Variants in PBX1 observed in about 807,000 individuals in gnomAD.
The protein encoded by PBX1 is PBX homeobox 1, also known as pre-B-cell leukemia transcription factor 1.
PBX1 carries 6 observed loss-of-function variants against 53.4 expected under a neutral mutation model. The ratio of observed to expected loss-of-function variants is 0.11; its 90% CI spans 0.06 to 0.22. PBX1 has a LOEUF of 0.22. Ranked by LOEUF, PBX1 falls within the 10% of genes least tolerant of loss-of-function variation. PBX1 has a pLI of 1.00. For synonymous variants in PBX1, 204 were observed against 212.3 expected, an observed-to-expected ratio of 0.96 and a Z score of 0.34; for missense variants, 251 against 551.4, an observed-to-expected ratio of 0.46 and a Z score of 5.46.
chr1:164,674,391 C>A (rs950743951), intron 2 of PBX1: 1 of 152,178 alleles, frequency 6.6e-6, no homozygotes, highest in African/African-American at 2.4e-5. Context: ...TCTTCCCTTG[C>A]TCTTTACTTT....
At position 164,690,869 on chromosome 1, in the gene PBX1, G is replaced by A. The variant is rs549853089; in HGVS notation, c.266-101625G>A. 4.3e-4 allele frequency among the ~76,000 whole-genome samples: 65 copies of A among 152,168 alleles called. 1 individual carries two copies. The highest frequency in any genetic ancestry group is 5.7e-4 in the Non-Finnish European group (39 of 68,016). On this transcript the variant is annotated intron_variant, in intron 2 of 8. Transcript: ENST00000420696. ...CCCCCTGTTTTACGGATGATGCGGT[G>A]GAGATTCGGAGAGGCTTGGCTGCAT...
chr1:164,730,633 C>G (rs1394621886), intron 2 of PBX1, among the ~76,000 whole-genome samples: 2 of 152,160 alleles, frequency 1.3e-5, no homozygotes, highest in Admixed American at 6.5e-5. Flanking sequence ...GTTCTCCTTG[C>G]TTTAGCTAGC....
intron 2 of PBX1, among the ~76,000 whole-genome samples, chr1:164,880,244 TAGGGACAC>T (rs1319946804): frequency 2.6e-5 from 4 of 152,204 alleles, no homozygotes; most frequent in African/African-American, 7.2e-5. Flanking sequence ...TATTTGATGC[TAGGGACAC>T]AGAGAGGATG....
At chr1:164,701,635 G>C (rs1617000) in intron 2 of PBX1, among the ~76,000 whole-genome samples, 34,848 of 152,168 alleles carry the variant, frequency 0.23, 4,253 homozygotes, top group East Asian at 0.45. Flanking sequence ...CCCCTGTGGT[G>C]ATGGTCTAGT....
At chr1:164,622,134 C>T (rs1054691456) in intron 2 of PBX1, among the ~76,000 whole-genome samples, 1 of 152,130 alleles carries the variant, frequency 6.6e-6, no homozygotes, top group Non-Finnish European at 1.5e-5. Flanking sequence ...TCCGTGTGGG[C>T]CCAGGAGGCA....
chr1:164,692,650 TG>T (rs1175945581), intron 2 of PBX1, among the ~76,000 whole-genome samples: 1 of 151,996 alleles, frequency 6.6e-6, no homozygotes, highest in Non-Finnish European at 1.5e-5. Context: ...GGTGTGAGCG[TG>T]GGGAATAGGG....
chr1:164,732,411 C>G (rs1213763615), intron 2 of PBX1, among the ~76,000 whole-genome samples: 1 of 152,092 alleles, frequency 6.6e-6, no homozygotes, highest in African/African-American at 2.4e-5. Flanking sequence ...GACTGTAGGA[C>G]TATTAAAAAT....
At chr1:164,715,617 G>A (rs1255731944) in intron 2 of PBX1, among the ~76,000 whole-genome samples, 1 of 152,148 alleles carries the variant, frequency 6.6e-6, no homozygotes, top group Non-Finnish European at 1.5e-5. Context: ...GATCATAATA[G>A]GTATTTGATA....
chr1:164,786,554 A>G (rs969902810), intron 2 of PBX1, among the ~76,000 whole-genome samples: 1 of 152,202 alleles, frequency 6.6e-6, no homozygotes, highest in Non-Finnish European at 1.5e-5. Context: ...AGGTAATGGG[A>G]AAGGACCAGA....
At chr1:164,649,850 A>G (rs1389162593) in intron 2 of PBX1, among the ~76,000 whole-genome samples, 1 of 152,224 alleles carries the variant, frequency 6.6e-6, no homozygotes, top group Non-Finnish European at 1.5e-5. Flanking sequence ...AGTTAATAAA[A>G]ATATAATGGC....
At chr1:164,766,650 A>G (rs533123688) in intron 2 of PBX1, among the ~76,000 whole-genome samples, 4 of 152,056 alleles carry the variant, frequency 2.6e-5, no homozygotes, top group South Asian at 4.2e-4. Flanking sequence ...AGAGTTTTAT[A>G]TTCCTTATCA....
chr1:164,674,046 TAG>T (rs1346103223), intron 2 of PBX1, among the ~76,000 whole-genome samples: 1 of 152,114 alleles, frequency 6.6e-6, no homozygotes, highest in Non-Finnish European at 1.5e-5. Context: ...ATACAGAACA[TAG>T]AGTTTCTAAC....
At chr1:164,668,961 C>T (rs924075799) in intron 2 of PBX1, among the ~76,000 whole-genome samples, 1 of 152,142 alleles carries the variant, frequency 6.6e-6, no homozygotes, top group Non-Finnish European at 1.5e-5. Context: ...GCTTGGGAGT[C>T]TGGTAGGAAG....
rs1265143821 is a variant in PBX1 at position 164,870,349 on chromosome 1, CT to C, written n.258-28836del. Among the ~76,000 whole-genome samples the C allele has an allele frequency of 8.2e-3, 780 of 94,744 alleles. 80 individuals carry two copies. The highest frequency in any genetic ancestry group is 0.022 in the South Asian group (59 of 2,704). The allele number at this position is 94,744 out of a possible 152,430, so 62.2% of individuals were successfully genotyped here. A position where few individuals can be genotyped will look rare whatever the true frequency, so the allele number is the denominator to read the frequency against. On this transcript the variant is annotated intron_variant and non_coding_transcript_variant, in intron 2 of 2. Transcript: ENST00000558796. ...TCTTTCTTTCTTTCTTTCTTTCTTT[CT>C]TTCTTTCTTTCGAGATGAAGTCTTG...
intron 2 of PBX1, among the ~76,000 whole-genome samples, chr1:164,577,897 G>A (rs1415431388): frequency 6.6e-6 from 1 of 152,200 alleles, no homozygotes; most frequent in African/African-American, 2.4e-5. Context: ...GGGTTATTAT[G>A]TAGGTTGAGA....
Position 164,564,642 on chromosome 1 carries a change from T to C in PBX1, c.265+1331T>C, listed in dbSNP as rs187523707. Among the ~76,000 whole-genome samples the C allele has an allele frequency of 3.9e-5, 6 of 152,296 alleles. No individual in the cohort carries two copies. The East Asian group carries it at 9.7e-4, about 25-fold the overall frequency. On this transcript the variant is annotated intron_variant, in intron 2 of 8. Coordinates refer to ENST00000420696, the MANE Select transcript of PBX1 (RefSeq NM_002585.4). ...AGACCTCTAAGTCTTCCAGGTTGCC[T>C]TGCCAAAGCTTAACCTTATTGCAAA...
At chr1:164,860,290 A>G (rs965757726) in intron 2 of PBX1, among the ~76,000 whole-genome samples, 3 of 152,200 alleles carry the variant, frequency 2.0e-5, no homozygotes, top group African/African-American at 7.2e-5. Context: ...ACACTAGTGC[A>G]TGATCACTTA....
At chr1:164,629,241 T>TG (rs1658249809) in intron 2 of PBX1, among the ~76,000 whole-genome samples, 1 of 144,490 alleles carries the variant, frequency 6.9e-6, no homozygotes, top group Non-Finnish European at 1.5e-5. Flanking sequence ...AAAAAAAAAA[T>TG]GTTAGTGTTA....
At chr1:164,760,852 T>G (rs1327940169) in intron 2 of PBX1, among the ~76,000 whole-genome samples, 1 of 152,238 alleles carries the variant, frequency 6.6e-6, no homozygotes, top group Non-Finnish European at 1.5e-5. Flanking sequence ...TTTCTCAAAC[T>G]GCCTCTTTTT....
Sources: allele counts gnomAD v4.1 joint callset (sites outside exome capture counted in the v4.1 genomes callset), GRCh38; gene constraint gnomAD v4.1.1; transcripts MANE v1.5; gene names NCBI Gene and HGNC (gene_info 2026-07-23, HGNC 2026-07-21).